The following GALNT4 variants were observed in gnomAD, a reference collection of about 807,000 sequenced individuals.
GALNT4 encodes polypeptide N-acetylgalactosaminyltransferase 4.
In GALNT4, 23 loss-of-function variants were observed where a neutral mutation model predicts 45.1. The ratio of observed to expected loss-of-function variants is 0.51; its 90% CI spans 0.37 to 0.72. GALNT4 has a LOEUF of 0.72. Ranked by LOEUF, GALNT4 falls within the 30% of genes least tolerant of loss-of-function variation. GALNT4 has a pLI of 0.00. For synonymous variants in GALNT4, 264 were observed against 257.6 expected (o/e 1.02, Z -0.24); for missense variants, 757 against 709.0 (o/e 1.07, Z -0.77).
In GALNT4 at chr12:89,524,435, C is replaced by T. The variant is rs1871229023; in HGVS notation, c.115G>A (p.Gly39Ser). The T allele has an allele frequency of 6.2e-7, 1 of 1,613,908 alleles. No homozygotes were observed. The highest frequency in any genetic ancestry group is 8.5e-7 in the Non-Finnish European group (1 of 1,179,902). Residue 39 changes from glycine (G) to serine (S), a missense_variant, in exon 1 of 1, where the codon GGC becomes AGC. Coordinates refer to ENST00000529983, the MANE Select transcript of GALNT4 (RefSeq NM_003774.5). ...VSTFHASAGAGRARELGSRRL... is the reference protein window; with the variant it reads ...VSTFHASAGASRARELGSRRL... ...CTTGACCCCAGCTCCCTGGCACGGC[C>T]GGCTCCTGCGGAGGCATGAAAAGTA...
At position 89,520,698 on chromosome 12, in the gene GALNT4, T is replaced by C. The variant is rs1438700599; in HGVS notation, c.*2115A>G. 6.6e-6 allele frequency: 1 copy of C among 152,200 alleles called. No homozygotes were observed. The highest frequency in any genetic ancestry group is 2.4e-5 in the African/African-American group (1 of 41,442). The allele number at this position is 152,200 out of a possible 1,614,324, so 9.4% of individuals were successfully genotyped here. On this transcript the variant is annotated 3_prime_UTR_variant, in exon 1 of 1. Coordinates refer to ENST00000529983, the MANE Select transcript of GALNT4 (RefSeq NM_003774.5). Reference sequence around the variant, plus strand: ...TTTTGAAATGGTTATCCTAAAGAATTTCCTTAAATTCAGATTTTGCAAAAT... The same window carrying C: ...TTTTGAAATGGTTATCCTAAAGAATCTCCTTAAATTCAGATTTTGCAAAAT...
rs2135772296 is a variant in GALNT4, at chr12:89,520,497, A to G, written c.*2316T>C. ...TAGGAGAATCCCTTTCGAAAAATTC[A>G]GAGCATTATTATTAATCCTTCTTAA... On this transcript the variant is annotated 3_prime_UTR_variant, in exon 1 of 1. Transcript: ENST00000529983. The G allele has an allele frequency of 6.6e-6, 1 of 152,314 alleles. No homozygotes were observed. The highest frequency in any genetic ancestry group is 1.9e-4 in the East Asian group (1 of 5,186). The allele number at this position is 152,314 out of a possible 1,614,324, so 9.4% of individuals were successfully genotyped here.
chr12:89,523,878 A>C lies in GALNT4; in HGVS notation c.672T>G (p.Thr224=). The C allele has an allele frequency of 1.3e-6, 2 of 1,573,178 alleles. No homozygotes were observed. The highest frequency in any genetic ancestry group is 1.7e-6 in the Non-Finnish European group (2 of 1,163,726). ...GATFATGDVL[T]FLDCHCECNS... ...TACACTCACAGTGACAATCCAGGAAAGTGAGGACGTCCCCAGTGGCGAAAG... is the reference window on the plus strand; with the variant it reads ...TACACTCACAGTGACAATCCAGGAACGTGAGGACGTCCCCAGTGGCGAAAG... The change falls in exon 1 of 1, where the codon ACT becomes ACG. Residue 224 remains threonine, a synonymous_variant. Coordinates refer to ENST00000529983, the MANE Select transcript of GALNT4 (RefSeq NM_003774.5).
In GALNT4 at chr12:89,523,572, C is replaced by T. The variant is rs200228838; in HGVS notation, c.978G>A (p.Thr326=). ...VSKKYFQYLG[T]YDTGMEVWGG... The stretch of plus-strand genomic sequence containing the variant: ...CCCACACTTCCATTCCTGTGTCATA[C>T]GTTCCAAGGTACTGAAAATATTTCT... The change falls in exon 1 of 1, where the codon ACG becomes ACA. Residue 326 remains threonine, a synonymous_variant. Coordinates refer to ENST00000529983, the MANE Select transcript of GALNT4 (RefSeq NM_003774.5). 1,193 of 1,590,228 alleles carry T rather than the reference C, an allele frequency of 7.5e-4. 10 individuals are homozygous for T. Among genetic ancestry groups the T allele is most frequent in the Middle Eastern group, 7.5e-3 (44 of 5,882 alleles).
At position 89,524,110 on chromosome 12, in the gene GALNT4, G is replaced by C. The variant is rs770415782; in HGVS notation, c.440C>G (p.Ala147Gly). ...TSVIIAFYNE[A>G]WSTLLRTIHS... ...AATGGTACGGAGCAAAGTCGACCAG[G>C]CTTCGTTATAGAAAGCAATGATAAC... Residue 147 changes from alanine (A) to glycine (G), a missense_variant, in exon 1 of 1, where the codon GCC (alanine) becomes GGC (glycine). Coordinates refer to ENST00000529983, the MANE Select transcript of GALNT4 (RefSeq NM_003774.5). 2 of 1,613,868 alleles carry C rather than the reference G, an allele frequency of 1.2e-6. No individual in the cohort carries two copies. The highest frequency in any genetic ancestry group is 1.7e-5 in the Admixed American group (1 of 60,008).
rs1730752596 is a variant in GALNT4 at position 89,523,366 on chromosome 12, T to C, written c.1184A>G (p.Tyr395Cys). ...TTTTCTTGCTGGAGGGTTTCTATTG[T>C]AGAAGTGCTCTTTGTATTCATCCAT... Reference protein sequence around the residue: ...VWMDEYKEHFYNRNPPARKEA... With the variant: ...VWMDEYKEHFCNRNPPARKEA... Residue 395 changes from tyrosine (Y) to cysteine (C), a missense_variant, in exon 1 of 1, where the codon TAC (tyrosine) becomes TGC (cysteine). Tyr to Cys is a radical substitution (Grantham distance 194). Coordinates refer to ENST00000529983, the MANE Select transcript of GALNT4 (RefSeq NM_003774.5). 1 of 1,613,950 alleles carries C rather than the reference T, an allele frequency of 6.2e-7. No homozygotes were observed. Among genetic ancestry groups the C allele is most frequent in the Admixed American group, 1.7e-5 (1 of 60,014 alleles).
rs1871159278 is a variant in GALNT4, at chr12:89,523,876, A to C, written c.674T>G (p.Phe225Cys). The change falls in exon 1 of 1, where the codon TTC becomes TGC. Residue 225 changes from phenylalanine to cysteine, a missense_variant. Coordinates refer to ENST00000529983, the MANE Select transcript of GALNT4 (RefSeq NM_003774.5). ...ATTACACTCACAGTGACAATCCAGG[A>C]AAGTGAGGACGTCCCCAGTGGCGAA... ...ATFATGDVLT[F>C]LDCHCECNSG... 19 of 1,571,950 alleles carry C rather than the reference A, an allele frequency of 1.2e-5. No homozygotes were observed. In the South Asian group the frequency reaches 2.2e-4, roughly 18 times the overall value.
chr12:89,522,665 T>A lies in GALNT4; in HGVS notation c.*148A>T, dbSNP rs192636409. On this transcript the variant is annotated 3_prime_UTR_variant, in exon 1 of 1. Transcript: ENST00000529983. ...CTGGGTACCCAGTTTCAGTGTGATA[T>A]ACCAAAATGAACCCCAGCTTTCCAG... 17 of 991,958 alleles carry A rather than the reference T, an allele frequency of 1.7e-5. No homozygotes were observed. In the East Asian group the frequency reaches 2.7e-4, roughly 16 times the overall value. The allele number at this position is 991,958 out of a possible 1,614,324, so 61.4% of individuals were successfully genotyped here.
Position 89,523,362 on chromosome 12 carries a change from A to G in GALNT4, c.1188T>C (p.Asn396=), listed in dbSNP as rs759281457. 81 of 1,613,912 alleles carry G rather than the reference A, an allele frequency of 5.0e-5. No homozygotes were observed. The highest frequency in any genetic ancestry group is 6.3e-5 in the Non-Finnish European group (74 of 1,179,888). ...WMDEYKEHFY[N]RNPPARKEAY... is the part of the protein sequence containing the mutation. The stretch of plus-strand genomic sequence containing the variant: ...CTTCTTTTCTTGCTGGAGGGTTTCT[A>G]TTGTAGAAGTGCTCTTTGTATTCAT... Residue 396 remains asparagine (N), a synonymous_variant, in exon 1 of 1, where the codon AAT becomes AAC. Transcript: ENST00000529983.
At position 89,521,883 on chromosome 12, in the gene GALNT4, C is replaced by T. The variant is rs1023668422; in HGVS notation, c.*930G>A. On this transcript the variant is annotated 3_prime_UTR_variant, in exon 1 of 1. Coordinates refer to ENST00000529983, the MANE Select transcript of GALNT4 (RefSeq NM_003774.5). The stretch of plus-strand genomic sequence containing the variant: ...GTTCCACAGCCTTGGTAGAACCTAG[C>T]CCACTTTCAGTTTCACACATTTTAA... The T allele has an allele frequency of 5.0e-6, 2 of 397,804 alleles. No individual in the cohort carries two copies. Among genetic ancestry groups the T allele is most frequent in the East Asian group, 3.6e-5 (1 of 28,048 alleles). The allele number at this position is 397,804 out of a possible 1,614,324, so 24.6% of individuals were successfully genotyped here. A position where few individuals can be genotyped will look rare whatever the true frequency, so the allele number is the denominator to read the frequency against.
In GALNT4 at chr12:89,520,518, C is replaced by T. The variant is rs1004119079; in HGVS notation, c.*2295G>A. On this transcript the variant is annotated 3_prime_UTR_variant, in exon 1 of 1. Coordinates refer to ENST00000529983, the MANE Select transcript of GALNT4 (RefSeq NM_003774.5). ...ATTCAGAGCATTATTATTAATCCTT[C>T]TTAAATTAAATGCAGGGCCAAGCAT... 6.6e-6 allele frequency: 1 copy of T among 152,134 alleles called. No homozygotes were observed. Among genetic ancestry groups the T allele is most frequent in the South Asian group, 2.1e-4 (1 of 4,826 alleles). The allele number at this position is 152,134 out of a possible 1,614,324, so 9.4% of individuals were successfully genotyped here.
At position 89,521,396 on chromosome 12, in the gene GALNT4, C is replaced by G. The variant is rs551828831; in HGVS notation, c.*1417G>C. 4 of 152,452 alleles carry G rather than the reference C, an allele frequency of 2.6e-5. No homozygotes were observed. Among genetic ancestry groups the G allele is most frequent in the African/African-American group, 9.6e-5 (4 of 41,566 alleles). 9.4% of individuals were successfully genotyped at this position (152,452 alleles called of 1,614,324 possible). A position where few individuals can be genotyped will look rare whatever the true frequency, so the allele number is the denominator to read the frequency against. On this transcript the variant is annotated 3_prime_UTR_variant, in exon 1 of 1. Coordinates refer to ENST00000529983, the MANE Select transcript of GALNT4 (RefSeq NM_003774.5). ...GGGATTACATGCGTGAGCCACCGCA[C>G]CCGGCCTCCCCTCACTTAATTTTTA...
rs1021599718 is a variant in GALNT4, at chr12:89,522,916, C to G, written c.1634G>C (p.Gly545Ala). Residue 545 changes from glycine (G) to alanine (A), a missense_variant, in exon 1 of 1, where the codon GGA (glycine) becomes GCA (alanine). By Grantham distance (60) the Gly-to-Ala change is moderately conservative (BLOSUM62 0). Transcript: ENST00000529983. The stretch of plus-strand genomic sequence containing the variant: ...TGTCCGATAAGCACTAAGACACAGT[C>G]CTGAGTGTGGGTGAAAAATAGTTCC... The part of the protein sequence containing the change: ...EDGTIFHPHS[G>A]LCLSAYRTPE... 7 of 1,613,920 alleles carry G rather than the reference C, an allele frequency of 4.3e-6. No homozygotes were observed. The African/African-American group carries it at 6.7e-5, about 15-fold the overall frequency.
In GALNT4 at chr12:89,521,098, A is replaced by ATTTTTTT. The variant is rs201411448; in HGVS notation, c.*1714_*1715insAAAAAAA. Reference sequence around the variant, plus strand: ...CACTTCAGGTGAGTTCAGCTCACTTATTTTATTATTATTTTTTTTTTTTGA... The same window carrying ATTTTTTT: ...CACTTCAGGTGAGTTCAGCTCACTTATTTTTTTTTTTATTATTATTTTTTTTTTTTGA... On this transcript the variant is annotated 3_prime_UTR_variant, in exon 1 of 1. Coordinates refer to ENST00000529983, the MANE Select transcript of GALNT4 (RefSeq NM_003774.5). 5.3e-5 allele frequency: 6 copies of ATTTTTTT among 113,248 alleles called. 2 individuals carry two copies. The highest frequency in any genetic ancestry group is 1.0e-4 in the African/African-American group (3 of 28,634). 7.0% of individuals were successfully genotyped at this position (113,248 alleles called of 1,614,324 possible). A position where few individuals can be genotyped will look rare whatever the true frequency, so the allele number is the denominator to read the frequency against.
At position 89,522,319 on chromosome 12, in the gene GALNT4, T is replaced by TA. The variant is rs1216140755; in HGVS notation, c.*493_*494insT. 5 of 396,684 alleles carry TA rather than the reference T, an allele frequency of 1.3e-5. No homozygotes were observed. The highest frequency in any genetic ancestry group is 4.4e-5 in the Admixed American group (1 of 22,670). 24.6% of individuals were successfully genotyped at this position (396,684 alleles called of 1,614,324 possible). A position where few individuals can be genotyped will look rare whatever the true frequency, so the allele number is the denominator to read the frequency against. ...AATTTTCTTTTTGATTAGAAAAAAA[T>TA]TAGATTAAAAAATAAAATCTAAAAT... is the stretch of plus-strand genomic sequence containing the variant. On this transcript the variant is annotated 3_prime_UTR_variant, in exon 1 of 1. Transcript: ENST00000529983.
rs1555187365 is a variant in GALNT4 at position 89,521,686 on chromosome 12, CCATT to C, written c.*1123_*1126del. On this transcript the variant is annotated 3_prime_UTR_variant, in exon 1 of 1. Transcript: ENST00000529983. ...ACCAAAGTTACATTCCTCAGCTGAG[CCATT>C]CATTCATTCATTCAGTCATTCATTC... The C allele has an allele frequency of 2.8e-4, 70 of 248,556 alleles. No individual in the cohort carries two copies. The highest frequency in any genetic ancestry group is 5.3e-4 in the South Asian group (3 of 5,706). 15.4% of individuals were successfully genotyped at this position (248,556 alleles called of 1,614,324 possible). A position where few individuals can be genotyped will look rare whatever the true frequency, so the allele number is the denominator to read the frequency against.
Position 89,524,044 on chromosome 12 carries a change from T to G in GALNT4, c.506A>C (p.Glu169Ala). 1 of 1,613,604 alleles carries G rather than the reference T, an allele frequency of 6.2e-7. No individual in the cohort carries two copies. Among genetic ancestry groups the G allele is most frequent in the African/African-American group, 1.3e-5 (1 of 75,024 alleles). The change falls in exon 1 of 1, where the codon GAG becomes GCG. Residue 169 changes from glutamate (E) to alanine (A), a missense_variant. Physicochemically the swap from Glu to Ala is moderately radical, Grantham distance 107 (BLOSUM62 -1). Transcript: ENST00000529983. ...ACTCAAGTCATCCACCAAGATGATC[T>G]CTTTCAAAAGAACTGCAGGAGAAGT... ...LETSPAVLLK[E>A]IILVDDLSDR... is the part of the protein sequence containing the mutation.
In GALNT4 at chr12:89,520,883, A is replaced by G. The variant is rs990019555; in HGVS notation, c.*1930T>C. On this transcript the variant is annotated 3_prime_UTR_variant, in exon 1 of 1. Coordinates refer to ENST00000529983, the MANE Select transcript of GALNT4 (RefSeq NM_003774.5). Reference sequence around the variant, plus strand: ...TGTGATTTCTGCATATAATATTGGTATAAAACCAGTAAAAATACTTTTAAA... The same window carrying G: ...TGTGATTTCTGCATATAATATTGGTGTAAAACCAGTAAAAATACTTTTAAA... The G allele has an allele frequency of 7.2e-5, 11 of 152,190 alleles. No individual in the cohort carries two copies. Among genetic ancestry groups the G allele is most frequent in the Admixed American group, 2.0e-4 (3 of 15,278 alleles). The allele number at this position is 152,190 out of a possible 1,614,324, so 9.4% of individuals were successfully genotyped here.
rs200794801 is a variant in GALNT4 at position 89,522,845 on chromosome 12, C to G, written c.1705G>C (p.Asp569His). Residue 569 changes from aspartate (D) to histidine (H), a missense_variant, in exon 1 of 1, where the codon GAT (aspartate) becomes CAT (histidine). Coordinates refer to ENST00000529983, the MANE Select transcript of GALNT4 (RefSeq NM_003774.5). ...TCAAAACTCCAAATTTGATTTTTAT[C>G]TAGAGCATCACAAGTTCTCATTTGT... is the stretch of plus-strand genomic sequence containing the variant. ...DVQMRTCDAL[D>H]KNQIWSFEK 3.8e-6 allele frequency: 6 copies of G among 1,594,542 alleles called. No individual in the cohort carries two copies. Among genetic ancestry groups the G allele is most frequent in the Non-Finnish European group, 5.1e-6 (6 of 1,172,352 alleles).
Sources: allele counts gnomAD v4.1 joint callset, GRCh38; gene constraint gnomAD v4.1.1; transcripts MANE v1.5; gene names NCBI Gene and HGNC (gene_info 2026-07-23, HGNC 2026-07-21).